Variants in CPSF6 observed in about 807,000 individuals in gnomAD.
CPSF6 encodes the protein cleavage and polyadenylation specificity factor subunit 6.
CPSF6 carries 10 observed loss-of-function variants against 56.7 expected under a neutral mutation model. That is an observed-to-expected ratio of 0.18 (90% CI 0.11 to 0.30). The LOEUF is 0.30. CPSF6 is among the 10% of genes least tolerant of loss of function. CPSF6 has a pLI of 1.00. For synonymous variants in CPSF6, 248 were observed against 244.8 expected (o/e 1.01, Z -0.12); for missense variants, 419 against 722.9 (o/e 0.58, Z 4.82).
chr12:69,273,476 C>T lies in CPSF6; in HGVS notation c.*3968C>T, dbSNP rs538441651. On this transcript the variant is annotated 3_prime_UTR_variant, in exon 10 of 10. Coordinates refer to ENST00000435070, the MANE Select transcript of CPSF6 (RefSeq NM_007007.3). ...CACACACATCTTGAAGTGGTAACTG[C>T]ATAGTAAATACTACCAAGAGTTTTT... 6.4e-5 allele frequency: 10 copies of T among 156,244 alleles called. No individual in the cohort carries two copies. The South Asian group carries it at 1.8e-3, about 29-fold the overall frequency. 9.7% of individuals were successfully genotyped at this position (156,244 alleles called of 1,614,324 possible).
At chr12:69,254,485 T>C (rs911561162) in intron 3 of CPSF6, among the ~76,000 whole-genome samples, 1 of 152,196 alleles carries the variant, frequency 6.6e-6, no homozygotes, top group Non-Finnish European at 1.5e-5. Context: ...TTGTGCAAAG[T>C]AGCACCTTCC....
In CPSF6 at chr12:69,257,823, G is replaced by C; in HGVS notation, c.612G>C (p.Arg204=). ...CATTTCCACAAGGTGGTAGAGGACG[G>C]GGCCGTTTTCCAGGGGCTGTTCCTG... ...RAAFPQGGRG[R]GRFPGAVPGG... Residue 204 remains arginine, a synonymous_variant, in exon 5 of 10, where the codon CGG becomes CGC. Coordinates refer to ENST00000435070, the MANE Select transcript of CPSF6 (RefSeq NM_007007.3). 1 of 1,613,376 alleles carries C rather than the reference G, an allele frequency of 6.2e-7. No homozygotes were observed. Among genetic ancestry groups the C allele is most frequent in the Non-Finnish European group, 8.5e-7 (1 of 1,179,838 alleles).
intron 1 of CPSF6, among the ~76,000 whole-genome samples, chr12:69,245,879 A>G (rs73335761): frequency 0.023 from 3,459 of 152,238 alleles, 137 homozygotes; most frequent in African/African-American, 0.077. Context: ...TGAGGTCAGG[A>G]GTTTGAGACC....
At chr12:69,244,212 T>G (rs1214541776) in intron 1 of CPSF6, among the ~76,000 whole-genome samples, 1 of 152,184 alleles carries the variant, frequency 6.6e-6, no homozygotes, top group East Asian at 1.9e-4. Flanking sequence ...TTTATATCCT[T>G]ATACTGTAAA....
chr12:69,259,604 T>C, intron 7 of CPSF6, 61 bp downstream of exon 7: 1 of 1,396,334 alleles, frequency 7.2e-7, no homozygotes, highest in Non-Finnish European at 9.8e-7. Context: ...CCTAAAAATG[T>C]AAGTACAATC....
At chr12:69,267,245 A>G (rs772517386) in intron 9 of CPSF6, among the ~76,000 whole-genome samples, 5 of 152,068 alleles carry the variant, frequency 3.3e-5, no homozygotes, top group Admixed American at 6.5e-5. Context: ...ATTCTAACAA[A>G]TGTGCATAGA....
At chr12:69,255,644 C>T (rs1296642556) in intron 3 of CPSF6, among the ~76,000 whole-genome samples, 2 of 152,128 alleles carry the variant, frequency 1.3e-5, no homozygotes, top group Non-Finnish European at 1.5e-5. Context: ...CAGGTTCAAG[C>T]GATTCTCCTG....
At position 69,271,978 on chromosome 12, in the gene CPSF6, C is replaced by T. The variant is rs1873266900; in HGVS notation, c.*2470C>T. ...AAACGAGTTGAATTTTAAAACATAG[C>T]ATTTATTAGTGCTATACAGTCACAT... On this transcript the variant is annotated 3_prime_UTR_variant, in exon 10 of 10. Coordinates refer to ENST00000435070, the MANE Select transcript of CPSF6 (RefSeq NM_007007.3). 2 of 151,594 alleles carry T rather than the reference C, an allele frequency of 1.3e-5. No individual in the cohort carries two copies. Among genetic ancestry groups the T allele is most frequent in the South Asian group, 2.1e-4 (1 of 4,836 alleles). 9.4% of individuals were successfully genotyped at this position (151,594 alleles called of 1,614,324 possible).
At chr12:69,262,843 T>G (rs1404753537) in intron 9 of CPSF6, among the ~76,000 whole-genome samples, 2 of 152,194 alleles carry the variant, frequency 1.3e-5, no homozygotes, top group Non-Finnish European at 2.9e-5. Context: ...ACTCATTGTG[T>G]ACTTCTAAAA....
In CPSF6 at chr12:69,258,434, TGTAGTTG is replaced by T. The variant is rs1398118124; in HGVS notation, c.695-150_695-144del. Reference sequence around the variant, plus strand: ...TTAAATTTGTAAGGATATACTTCATTGTAGTTGGTAGTGTAACATTTACCATACGGGT... The same window carrying T: ...TTAAATTTGTAAGGATATACTTCATTGTAGTGTAACATTTACCATACGGGT... On this transcript the variant is annotated intron_variant, in intron 5 of 9. Coordinates refer to ENST00000435070, the MANE Select transcript of CPSF6 (RefSeq NM_007007.3). The surrounding 1 kb of genome is among the most constrained non-coding windows in gnomAD (Gnocchi z 4.2). Among the ~76,000 whole-genome samples, 4 of 152,242 alleles carry T rather than the reference TGTAGTTG, an allele frequency of 2.6e-5. No individual in the cohort carries two copies. The highest frequency in any genetic ancestry group is 5.9e-5 in the Non-Finnish European group (4 of 68,040).
At chr12:69,268,892 A>G (rs1002650223) in intron 9 of CPSF6, among the ~76,000 whole-genome samples, 2 of 151,840 alleles carry the variant, frequency 1.3e-5, no homozygotes, top group African/African-American at 2.4e-5. Context: ...AAGTAAAGTA[A>G]ATGTTTTAAA....
chr12:69,253,169 T>TTC lies in CPSF6; in HGVS notation c.374+15_374+16insTC. 1 of 1,368,482 alleles carries TTC rather than the reference T, an allele frequency of 7.3e-7. No homozygotes were observed. Among genetic ancestry groups the TTC allele is most frequent in the Non-Finnish European group, 1.0e-6 (1 of 981,514 alleles). 84.8% of individuals were successfully genotyped at this position (1,368,482 alleles called of 1,614,324 possible). On this transcript the variant is annotated intron_variant, in intron 3 of 9. Coordinates refer to ENST00000435070, the MANE Select transcript of CPSF6 (RefSeq NM_007007.3). The stretch of plus-strand genomic sequence containing the variant: ...CAGTCAAAGGGGTAAGTTTTTTTTT[T>TTC]CTTTCTTTTTGATTTAGTAGCTAGT...
rs569036828 is a variant in CPSF6 at position 69,257,470 on chromosome 12, GGCTGCTGCAGAGT to G, written c.521-257_521-245del. On this transcript the variant is annotated intron_variant, in intron 4 of 9. Coordinates refer to ENST00000435070, the MANE Select transcript of CPSF6 (RefSeq NM_007007.3). ...ATATCTGTTGAAGAATTTCGGTCTT[GGCTGCTGCAGAGT>G]GCTGGTATTTTGAAAGTAACTCACG... Among the ~76,000 whole-genome samples, 881 of 152,262 alleles carry G rather than the reference GGCTGCTGCAGAGT, an allele frequency of 5.8e-3. 4 individuals are homozygous for G. Among genetic ancestry groups the G allele is most frequent in the Non-Finnish European group, 7.9e-3 (536 of 68,012 alleles).
At chr12:69,248,855 A>G (rs1449397006) in intron 1 of CPSF6, among the ~76,000 whole-genome samples, 1 of 152,126 alleles carries the variant, frequency 6.6e-6, no homozygotes, top group Non-Finnish European at 1.5e-5. Context: ...TAAGTCATTA[A>G]TTACATAAAC....
chr12:69,255,824 A>G (rs1306331980), intron 3 of CPSF6, among the ~76,000 whole-genome samples: 1 of 152,206 alleles, frequency 6.6e-6, no homozygotes, highest in African/African-American at 2.4e-5. Context: ...GGCGTGAGCC[A>G]CTGCACCCGG....
Position 69,251,240 on chromosome 12 carries a change from C to A in CPSF6, c.172C>A (p.Pro58Thr). 6.2e-7 allele frequency: 1 copy of A among 1,613,046 alleles called. No individual in the cohort carries two copies. Among genetic ancestry groups the A allele is most frequent in the African/African-American group, 1.3e-5 (1 of 74,988 alleles). Reference sequence around the variant, plus strand: ...CCGAGATTACATGGATACTCTCCCACCAACTGTTGGTGATGATGTGGGTAA... The same window carrying A: ...CCGAGATTACATGGATACTCTCCCAACAACTGTTGGTGATGATGTGGGTAA... ...EDRDYMDTLP[P>T]TVGDDVGKGA... Residue 58 changes from proline to threonine, a missense_variant, in exon 2 of 10, where the codon CCA (proline) becomes ACA (threonine). By Grantham distance (38) the Pro-to-Thr change is conservative (BLOSUM62 -1). Transcript: ENST00000435070.
chr12:69,251,469 T>C, intron 2 of CPSF6, 131 bp downstream of exon 2: 2 of 568,620 alleles, frequency 3.5e-6, no homozygotes, highest in South Asian at 3.0e-5. Flanking sequence ...GCTTGTCCAA[T>C]GAGGAGGGAA....
intron 9 of CPSF6, among the ~76,000 whole-genome samples, chr12:69,268,737 T>C (rs944163540): frequency 6.6e-6 from 1 of 151,760 alleles, no homozygotes; most frequent in Non-Finnish European, 1.5e-5. Context: ...ATGTATTCTT[T>C]AAATTTTAGT....
At position 69,251,073 on chromosome 12, in the gene CPSF6, T is replaced by G. The variant is rs2231691; in HGVS notation, c.61-56T>G. 3,550 of 1,505,352 alleles carry G rather than the reference T, an allele frequency of 2.4e-3. 42 individuals are homozygous for G. The highest frequency in any genetic ancestry group is 1.7e-3 in the Non-Finnish European group (1,917 of 1,112,454). The allele number at this position is 1,505,352 out of a possible 1,614,324, so 93.2% of individuals were successfully genotyped here. ...AAAAAGTTGAATTTGTATTCAAGTC[T>G]ATTTTAGTAGTATTTTGACTTTTGT... On this transcript the variant is annotated intron_variant, in intron 1 of 9. Transcript: ENST00000435070.
Sources: gnomAD v4.1 joint callset for allele counts (sites outside exome capture counted in the v4.1 genomes callset) on GRCh38, gnomAD v4.1.1 for gene constraint, Gnocchi (gnomAD v3.1) non-coding constraint, MANE v1.5 for transcripts, NCBI Gene and HGNC (gene_info 2026-07-23, HGNC 2026-07-21) for gene names.